ADGRG1: variants seen among roughly 807,000 people sequenced by gnomAD.
The protein encoded by ADGRG1 is adhesion G protein-coupled receptor G1.
Under a neutral mutation model 73.5 loss-of-function variants are expected in ADGRG1, and 53 were observed. The observed-to-expected ratio is 0.72, with a 90% confidence interval of 0.58 to 0.91. The LOEUF (loss-of-function observed/expected upper bound fraction) is 0.91. Among genes scored for constraint, ADGRG1 ranks in the 40% least tolerant of loss-of-function variants. The pLI is 0.00. For synonymous variants in ADGRG1, 394 were observed against 374.4 expected (o/e 1.05, Z -0.60); for missense variants, 795 against 871.8 (o/e 0.91, Z 1.11).
rs868239741 is a variant in ADGRG1, at chr16:57,657,489, C to T, written c.1284C>T (p.Ser428=). ...CLVTIAAYLC[S]RRKPRDYTIK... ...TCACCATTGCCGCCTACCTCTGCTC[C>T]AGGTGAGGCCTGAAAGGGGTGGGAC... The change falls in exon 10 of 14, where the codon TCC becomes TCT. Residue 428 remains serine (S), a splice_region_variant and synonymous_variant. Transcript: ENST00000562631. 6.2e-7 allele frequency: 1 copy of T among 1,608,882 alleles called. No homozygotes were observed. The highest frequency in any genetic ancestry group is 8.5e-7 in the Non-Finnish European group (1 of 1,175,520).
intron 13 of ADGRG1, 67 bp from the exon 14 acceptor site, chr16:57,663,385 G>A (rs1316551139): frequency 1.7e-5 from 27 of 1,601,732 alleles, no homozygotes; most frequent in Non-Finnish European, 2.1e-5. Context: ...ACAATGGCTG[G>A]GGAGGGAGGA....
intron 11 of ADGRG1, chr16:57,660,552 G>A: frequency 7.9e-6 from 6 of 758,624 alleles, no homozygotes; most frequent in Non-Finnish European, 8.0e-6. Context: ...GCAGGGCTAA[G>A]GTTGGAGGAG....
chr16:57,650,154 C>T (rs2148177809), intron 1 of ADGRG1, 99 bp from the exon 2 acceptor site: 1 of 1,551,124 alleles, frequency 6.4e-7, no homozygotes, highest in Non-Finnish European at 8.7e-7. Context: ...TTCCCCACCT[C>T]ACCTCCCACA....
At chr16:57,641,937 G>C (rs1338415601) in intron 1 of ADGRG1, 4 of 199,924 alleles carry the variant, frequency 2.0e-5, no homozygotes, top group Non-Finnish European at 3.6e-5. Context: ...ACCCAGGCTT[G>C]AGTACTGCGG....
intron 1 of ADGRG1, among the ~76,000 whole-genome samples, chr16:57,644,573 A>G (rs2147906173): frequency 7.6e-6 from 1 of 132,026 alleles, no homozygotes; most frequent in Non-Finnish European, 1.6e-5. Flanking sequence ...ACTTATGCAC[A>G]AGCACACACA....
Position 57,632,710 on chromosome 16 carries a change from G to A in ADGRG1, c.-36+3908G>A, listed in dbSNP as rs184374455. The A allele has an allele frequency of 5.7e-6, 5 of 881,942 alleles. No individual in the cohort carries two copies. In the African/African-American group the frequency reaches 9.0e-5, roughly 16 times the overall value. 54.6% of individuals were successfully genotyped at this position (881,942 alleles called of 1,614,324 possible). On this transcript the variant is annotated intron_variant, in intron 1 of 13. Coordinates refer to ENST00000562631, the MANE Select transcript of ADGRG1 (RefSeq NM_201525.4). ...GGGCTCCCGAGCTGGCGCCTGCGCA[G>A]GCTCAGGCAGTTTGTGGTATGCTTG... is the stretch of plus-strand genomic sequence containing the variant.
intron 1 of ADGRG1, among the ~76,000 whole-genome samples, chr16:57,648,896 G>T (rs768505524): frequency 2.0e-5 from 3 of 152,220 alleles, no homozygotes; most frequent in Non-Finnish European, 2.9e-5. Flanking sequence ...AAAGCCCCTG[G>T]CCTCGGGAGC....
chr16:57,645,494 G>A (rs1400874007), intron 1 of ADGRG1: 1 of 248,774 alleles, frequency 4.0e-6, no homozygotes, highest in African/African-American at 2.3e-5. Context: ...ACAGGGCAGG[G>A]AAGAGAGTGC....
chr16:57,643,436 C>A, intron 1 of ADGRG1: 1 of 368,714 alleles, frequency 2.7e-6, no homozygotes, highest in Non-Finnish European at 3.8e-6. Flanking sequence ...GCAGGGAGTG[C>A]CCCAACTTCT....
rs903201921 is a variant in ADGRG1 at position 57,646,334 on chromosome 16, C to A, written c.-35-3919C>A. On this transcript the variant is annotated intron_variant, in intron 1 of 13. Transcript: ENST00000562631. ...GGCTGAGCCAGGTCTGGAGCTGGAGCCCTGGGGGTGGGGCGGGGGATGGGC... is the reference window on the plus strand; with the variant it reads ...GGCTGAGCCAGGTCTGGAGCTGGAGACCTGGGGGTGGGGCGGGGGATGGGC... 5.2e-6 allele frequency: 5 copies of A among 961,814 alleles called. No homozygotes were observed. In the African/African-American group the frequency reaches 7.0e-5, roughly 14 times the overall value. The allele number at this position is 961,814 out of a possible 1,614,324, so 59.6% of individuals were successfully genotyped here. A position where few individuals can be genotyped will look rare whatever the true frequency, so the allele number is the denominator to read the frequency against.
chr16:57,649,607 C>T (rs778122857), intron 1 of ADGRG1, among the ~76,000 whole-genome samples: 8 of 152,038 alleles, frequency 5.3e-5, no homozygotes, highest in Non-Finnish European at 7.4e-5. Context: ...AAGGTGGTGA[C>T]GGTTCCAGGT....
At chr16:57,639,594 T>C in intron 1 of ADGRG1, 1 of 985,464 alleles carries the variant, frequency 1.0e-6, no homozygotes, top group East Asian at 1.1e-4. Context: ...GGCTACTGCC[T>C]GCAAACAAGA....
chr16:57,641,409 C>T, intron 1 of ADGRG1: 3 of 978,528 alleles, frequency 3.1e-6, no homozygotes, highest in Non-Finnish European at 3.6e-6. Flanking sequence ...CAGACCACCC[C>T]AGGAGCATAA....
At chr16:57,654,407 G>GCCC (rs1179613719) in intron 5 of ADGRG1, among the ~76,000 whole-genome samples, 7 of 123,124 alleles carry the variant, frequency 5.7e-5, no homozygotes, top group African/African-American at 9.1e-5. Flanking sequence ...GCCTGTCCAC[G>GCCC]CACCCCCCCC....
At chr16:57,628,217 G>C, upstream of ADGRG1, 1 of 979,212 alleles carries the variant, frequency 1.0e-6, no homozygotes, top group Non-Finnish European at 1.2e-6. Context: ...CTCTCCTTCA[G>C]GAAAGGGCAG....
intron 1 of ADGRG1, chr16:57,637,631 C>T (rs1340812834): frequency 2.0e-6 from 2 of 985,176 alleles, no homozygotes; most frequent in African/African-American, 3.5e-5. Context: ...TTTCCTCTTC[C>T]TCCGGGGGCC....
At chr16:57,639,921 A>G (rs2040364966) in intron 1 of ADGRG1, 1 of 943,858 alleles carries the variant, frequency 1.1e-6, no homozygotes, top group Non-Finnish European at 1.3e-6. Flanking sequence ...ATGGTACTCC[A>G]AGGGACTTGG....
At chr16:57,620,436 G>A (rs1415575431), upstream of ADGRG1, among the ~76,000 whole-genome samples, 1 of 152,214 alleles carries the variant, frequency 6.6e-6, no homozygotes, top group East Asian at 1.9e-4. Context: ...ACTGCAGGAC[G>A]CAGGGCAAGG....
At chr16:57,623,902 G>T (rs1371091841), upstream of ADGRG1, 1 of 823,340 alleles carries the variant, frequency 1.2e-6, no homozygotes, top group East Asian at 1.2e-4. Context: ...TCCTGACTCT[G>T]TTGCCAACTT....
Sources: gnomAD v4.1 joint callset for allele counts (sites outside exome capture counted in the v4.1 genomes callset) on GRCh38, gnomAD v4.1.1 for gene constraint, MANE v1.5 for transcripts, NCBI Gene and HGNC (gene_info 2026-07-23, HGNC 2026-07-21) for gene names.